KLHL20: variants seen among roughly 807,000 people sequenced by gnomAD.
KLHL20 encodes the protein kelch like family member 20.
A neutral mutation model predicts 69.5 loss-of-function variants in KLHL20; 29 were observed. That is an observed-to-expected ratio of 0.42 (90% CI 0.31 to 0.57). The LOEUF (loss-of-function observed/expected upper bound fraction) is 0.57, where lower values mean the gene tolerates loss of function less well. Among genes scored for constraint, KLHL20 ranks in the 20% least tolerant of loss-of-function variants. The pLI is 0.18. For missense variants in KLHL20, 419 were observed against 776.0 expected (o/e 0.54, Z 5.47); for synonymous variants, 253 against 265.2 (o/e 0.95, Z 0.45).
chr1:173,775,503 C>T (rs1249877039), intron 9 of KLHL20, 131 bp from the exon 10 acceptor site: 1 of 746,340 alleles, frequency 1.3e-6, no homozygotes, highest in African/African-American at 1.8e-5. Flanking sequence ...TATACAAATC[C>T]TTCTCAGAAG....
At chr1:173,737,256 G>C (rs1177032399) in intron 3 of KLHL20, among the ~76,000 whole-genome samples, 1 of 152,084 alleles carries the variant, frequency 6.6e-6, no homozygotes. Context: ...CTTTGTTTTT[G>C]TTGCATTTGC....
At chr1:173,753,447 G>T in intron 5 of KLHL20, 140 bp downstream of exon 5, 1 of 645,980 alleles carries the variant, frequency 1.5e-6, no homozygotes, top group Non-Finnish European at 2.7e-6. Context: ...TTTCTTCTGG[G>T]CTAGAGTCAA....
chr1:173,758,376 G>A (rs574294869), intron 7 of KLHL20, among the ~76,000 whole-genome samples: 3 of 152,254 alleles, frequency 2.0e-5, no homozygotes, highest in Admixed American at 6.5e-5. Context: ...CATGGCAGAC[G>A]GGAGGCAGGA....
At chr1:173,739,816 T>G (rs1386528532) in intron 3 of KLHL20, among the ~76,000 whole-genome samples, 2 of 151,530 alleles carry the variant, frequency 1.3e-5, no homozygotes, top group African/African-American at 4.9e-5. Context: ...ATTTTTTGTA[T>G]TTTTAGTAGA....
chr1:173,753,096 C>A, intron 4 of KLHL20, 117 bp from the exon 5 acceptor site: 2 of 757,314 alleles, frequency 2.6e-6, no homozygotes, highest in Non-Finnish European at 4.4e-6. Context: ...TCACTTGAGC[C>A]CAGGAGATTG....
intron 7 of KLHL20, 42 bp downstream of exon 7, chr1:173,757,201 T>C (rs1203836403): frequency 2.0e-6 from 3 of 1,501,656 alleles, no homozygotes; most frequent in East Asian, 2.3e-5. Context: ...ACTATTCATA[T>C]AGTTTTATTT....
intron 8 of KLHL20, among the ~76,000 whole-genome samples, chr1:173,769,272 AG>A (rs2102524943): frequency 6.6e-6 from 1 of 152,192 alleles, no homozygotes; most frequent in African/African-American, 2.4e-5. Context: ...TTAGGGGATG[AG>A]AAAGGGGGGA....
chr1:173,782,034 T>C (rs1341822267), intron 10 of KLHL20, 90 bp from the exon 11 acceptor site: 1 of 880,796 alleles, frequency 1.1e-6, no homozygotes, highest in African/African-American at 1.7e-5. Context: ...AAGAATTATC[T>C]TTTGTAAATA....
chr1:173,756,482 G>T (rs1486961895), intron 6 of KLHL20, among the ~76,000 whole-genome samples: 1 of 152,146 alleles, frequency 6.6e-6, no homozygotes, highest in Non-Finnish European at 1.5e-5. Context: ...AGTGAGCTGT[G>T]ATTGCACCAC....
At chr1:173,763,197 A>G (rs1040537460) in intron 7 of KLHL20, among the ~76,000 whole-genome samples, 2 of 152,174 alleles carry the variant, frequency 1.3e-5, no homozygotes, top group Non-Finnish European at 2.9e-5. Context: ...CAAGACCTCT[A>G]CAAGGAGAAC....
intron 3 of KLHL20, among the ~76,000 whole-genome samples, chr1:173,736,487 G>A (rs1048732903): frequency 6.6e-6 from 1 of 151,996 alleles, no homozygotes; most frequent in East Asian, 1.9e-4. Context: ...TATACTTTTG[G>A]TTCTTTAAGA....
intron 2 of KLHL20, among the ~76,000 whole-genome samples, chr1:173,716,618 G>A (rs1481933690): frequency 6.6e-6 from 1 of 151,996 alleles, no homozygotes; most frequent in Non-Finnish European, 1.5e-5. Context: ...ACAATAAATA[G>A]GCCCTCCCAA....
intron 3 of KLHL20, among the ~76,000 whole-genome samples, chr1:173,737,835 A>G (rs1672606092): frequency 6.6e-6 from 1 of 152,144 alleles, no homozygotes; most frequent in African/African-American, 2.4e-5. Context: ...GATTCTACCC[A>G]TTCATGAGCA....
intron 4 of KLHL20, 76 bp downstream of exon 4, chr1:173,751,998 G>C (rs928173251): frequency 1.4e-6 from 2 of 1,408,124 alleles, no homozygotes; most frequent in Non-Finnish European, 2.0e-6. Flanking sequence ...AGCACTTTGG[G>C]AGGCCAAGGC....
intron 2 of KLHL20, among the ~76,000 whole-genome samples, chr1:173,723,346 T>C (rs1296094269): frequency 6.6e-6 from 1 of 152,270 alleles, no homozygotes; most frequent in African/African-American, 2.4e-5. Context: ...CTCAGCTTTA[T>C]GTTTTAGTCT....
At chr1:173,719,207 T>C (rs1371320165) in intron 2 of KLHL20, among the ~76,000 whole-genome samples, 1 of 152,168 alleles carries the variant, frequency 6.6e-6, no homozygotes, top group Non-Finnish European at 1.5e-5. Flanking sequence ...ATATGCACCT[T>C]AGTTAACCAG....
chr1:173,777,630 A>G (rs951828765), intron 10 of KLHL20, among the ~76,000 whole-genome samples: 2 of 152,176 alleles, frequency 1.3e-5, no homozygotes, highest in Non-Finnish European at 2.9e-5. Flanking sequence ...AGGGATGCTT[A>G]CTTTTATCAA....
chr1:173,744,342 G>T (rs375289588), intron 3 of KLHL20, among the ~76,000 whole-genome samples: 28 of 151,960 alleles, frequency 1.8e-4, no homozygotes, highest in Admixed American at 2.6e-4. Context: ...AAGATTTTTG[G>T]TTTTTTCTTC....
At chr1:173,771,920 T>TG (rs1471112371) in intron 8 of KLHL20, among the ~76,000 whole-genome samples, 3 of 152,352 alleles carry the variant, frequency 2.0e-5, no homozygotes, top group South Asian at 2.1e-4. Flanking sequence ...TGTGTATAAA[T>TG]GTAGAATAAA....
Sources: allele counts gnomAD v4.1 joint callset (sites outside exome capture counted in the v4.1 genomes callset), GRCh38; gene constraint gnomAD v4.1.1; transcripts MANE v1.5; gene names NCBI Gene and HGNC (gene_info 2026-07-23, HGNC 2026-07-21).